NTM: variants seen among roughly 807,000 people sequenced by gnomAD.
NTM encodes IgLON family member 2.
Under a neutral mutation model 42.1 loss-of-function variants are expected in NTM, and 13 were observed. That is an observed-to-expected ratio of 0.31 (90% CI 0.20 to 0.49). NTM has a LOEUF of 0.49. Among genes scored for constraint, NTM ranks in the 20% least tolerant of loss-of-function variants. The probability of loss-of-function intolerance (pLI) is 0.99; values close to 1 mark genes in which losing one functional copy is unlikely to be tolerated. For missense variants in NTM, 373 were observed against 452.8 expected, an observed-to-expected ratio of 0.82 and a Z score of 1.60; for synonymous variants, 187 against 179.2, an observed-to-expected ratio of 1.04 and a Z score of -0.35.
chr11:131,803,101 A>G (rs1404134233), intron 1 of NTM, among the ~76,000 whole-genome samples: 1 of 152,086 alleles, frequency 6.6e-6, no homozygotes, highest in Non-Finnish European at 1.5e-5. Context: ...GGACATTTGA[A>G]TGAGATTTTC....
At chr11:131,455,113 C>A (rs1950773228) in intron 1 of NTM, among the ~76,000 whole-genome samples, 1 of 152,194 alleles carries the variant, frequency 6.6e-6, no homozygotes, top group Non-Finnish European at 1.5e-5. Flanking sequence ...AGAGGCTCAG[C>A]AAGACTTAAA....
At position 131,873,537 on chromosome 11, in the gene NTM, T is replaced by TGTGTGTATATATATACGTATATATATACC. The variant is rs1565657182; in HGVS notation, c.83-38025_83-38024insGTGTATATATATACGTATATATATACCGT. 2.4e-4 allele frequency among the ~76,000 whole-genome samples: 17 copies of TGTGTGTATATATATACGTATATATATACC among 72,148 alleles called. 1 individual carries two copies. The highest frequency in any genetic ancestry group is 6.5e-4 in the African/African-American group (17 of 26,202). 47.3% of individuals were successfully genotyped at this position (72,148 alleles called of 152,430 possible). ...AGAACTTAAAGTGTGTGTGTGTGTG[T>TGTGTGTATATATATACGTATATATATACC]GTATATATATACATATATATATACC... is the stretch of plus-strand genomic sequence containing the variant. On this transcript the variant is annotated intron_variant, in intron 1 of 8. Transcript: ENST00000683400.
intron 1 of NTM, among the ~76,000 whole-genome samples, chr11:131,731,587 C>T (rs774426717): frequency 6.8e-4 from 103 of 152,202 alleles, no homozygotes; most frequent in Non-Finnish European, 1.3e-3. Context: ...CCAATCATCA[C>T]CTTTCCAGTC....
At chr11:131,886,521 AG>A (rs1687922295) in intron 1 of NTM, among the ~76,000 whole-genome samples, 2 of 152,256 alleles carry the variant, frequency 1.3e-5, no homozygotes, top group South Asian at 4.1e-4. Context: ...ACCTCTAAAA[AG>A]ATCCCTTCTA....
chr11:131,605,882 C>A, intron 1 of NTM: 1 of 983,094 alleles, frequency 1.0e-6, no homozygotes, highest in Non-Finnish European at 1.2e-6. Context: ...CTTCACCACC[C>A]CACTCTATTA....
chr11:131,754,080 A>C (rs1420281440), intron 1 of NTM, among the ~76,000 whole-genome samples: 1 of 143,996 alleles, frequency 6.9e-6, no homozygotes, highest in Non-Finnish European at 1.5e-5. Flanking sequence ...GGAATTGAAC[A>C]ATGAGAACAC....
chr11:131,851,569 G>GTGTGTGT (rs2045563167), intron 1 of NTM, among the ~76,000 whole-genome samples: 2 of 150,388 alleles, frequency 1.3e-5, no homozygotes, highest in Admixed American at 6.6e-5. Context: ...GTGTGTGTGT[G>GTGTGTGT]GCCAAGTGGA....
intron 1 of NTM, among the ~76,000 whole-genome samples, chr11:131,896,103 C>G (rs1764373363): frequency 6.6e-6 from 1 of 152,204 alleles, no homozygotes; most frequent in Non-Finnish European, 1.5e-5. Flanking sequence ...AAGTAAAGGA[C>G]ATCATCTGAT....
At chr11:131,596,494 A>G (rs1213860667) in intron 1 of NTM, among the ~76,000 whole-genome samples, 5 of 152,074 alleles carry the variant, frequency 3.3e-5, no homozygotes, top group Non-Finnish European at 7.4e-5. Context: ...TGGTCTGCAG[A>G]CCCCTGACAT....
At position 131,648,368 on chromosome 11, in the gene NTM, G is replaced by A. The variant is rs936221637; in HGVS notation, c.83-263196G>A. Among the ~76,000 whole-genome samples the A allele has an allele frequency of 2.6e-5, 4 of 152,110 alleles. No individual in the cohort carries two copies. The East Asian group carries it at 7.7e-4, about 29-fold the overall frequency. On this transcript the variant is annotated intron_variant, in intron 1 of 8. Transcript: ENST00000683400. ...TCTGGGTATGTATATATACCCAACA[G>A]TGGGTTTGCTGGGTCAAATGGTAGT...
At chr11:131,864,246 C>T (rs2046919885) in intron 1 of NTM, among the ~76,000 whole-genome samples, 1 of 152,138 alleles carries the variant, frequency 6.6e-6, no homozygotes, top group South Asian at 2.1e-4. Flanking sequence ...CGAAACAAAT[C>T]CATCAGGGCA....
intron 1 of NTM, among the ~76,000 whole-genome samples, chr11:131,545,299 T>G (rs2053779043): frequency 6.6e-6 from 1 of 152,204 alleles, no homozygotes; most frequent in Admixed American, 6.5e-5. Flanking sequence ...CTTTTTCTTT[T>G]TCTTTTTTCT....
At chr11:131,640,141 G>A (rs918908438) in intron 1 of NTM, among the ~76,000 whole-genome samples, 1 of 152,080 alleles carries the variant, frequency 6.6e-6, no homozygotes, top group Admixed American at 6.6e-5. Flanking sequence ...CTGTGATCTT[G>A]TGCTGGTTCT....
At chr11:131,996,893 G>C (rs2068150896) in intron 2 of NTM, among the ~76,000 whole-genome samples, 1 of 152,110 alleles carries the variant, frequency 6.6e-6, no homozygotes, top group African/African-American at 2.4e-5. Context: ...CGCCCCTCTA[G>C]ATGGAGGGAA....
At chr11:132,055,117 G>A (rs1249492538) in intron 2 of NTM, among the ~76,000 whole-genome samples, 1 of 152,178 alleles carries the variant, frequency 6.6e-6, no homozygotes, top group Non-Finnish European at 1.5e-5. Context: ...CAAAGGATGG[G>A]GCTGGCCTTG....
At chr11:131,970,095 C>T (rs1395196138) in intron 2 of NTM, among the ~76,000 whole-genome samples, 2 of 152,190 alleles carry the variant, frequency 1.3e-5, no homozygotes, top group East Asian at 1.9e-4. Flanking sequence ...CAGATTTGAG[C>T]CACTGCACCC....
At chr11:131,417,691 G>C (rs951708018) in intron 1 of NTM, among the ~76,000 whole-genome samples, 2 of 152,142 alleles carry the variant, frequency 1.3e-5, no homozygotes, top group African/African-American at 4.8e-5. Flanking sequence ...TTGTAAAAAT[G>C]ATCAAGAAAT....
At chr11:132,157,407 G>T (rs1050135225) in intron 3 of NTM, among the ~76,000 whole-genome samples, 1 of 152,040 alleles carries the variant, frequency 6.6e-6, no homozygotes, top group Non-Finnish European at 1.5e-5. Flanking sequence ...TTGTCCTTGG[G>T]GTATCTACAG....
At chr11:132,023,013 G>A (rs1029715946) in intron 2 of NTM, among the ~76,000 whole-genome samples, 1 of 143,942 alleles carries the variant, frequency 6.9e-6, no homozygotes, top group South Asian at 2.2e-4. Flanking sequence ...AGTTCCTCAG[G>A]CTGGCTCCAT....
Sources: allele counts gnomAD v4.1 joint callset (sites outside exome capture counted in the v4.1 genomes callset), GRCh38; gene constraint gnomAD v4.1.1; transcripts MANE v1.5; gene names NCBI Gene and HGNC (gene_info 2026-07-23, HGNC 2026-07-21).